Variants in RNF150 observed in about 807,000 individuals in gnomAD.
RNF150 encodes the protein ring finger protein 150.
Under a neutral mutation model 39.3 loss-of-function variants are expected in RNF150, and 24 were observed. That is an observed-to-expected ratio of 0.61 (90% CI 0.44 to 0.86). RNF150 has a LOEUF of 0.86. Among genes scored for constraint, RNF150 ranks in the 40% least tolerant of loss-of-function variants. The pLI, the probability that RNF150 is intolerant of heterozygous loss-of-function variation, is 0.00. For missense variants in RNF150, 502 were observed against 587.8 expected (o/e 0.85, Z 1.51); for synonymous variants, 255 against 227.3 (o/e 1.12, Z -1.10).
At chr4:141,104,294 T>C (rs894464427) in intron 1 of RNF150, among the ~76,000 whole-genome samples, 1 of 152,204 alleles carries the variant, frequency 6.6e-6, no homozygotes, top group African/African-American at 2.4e-5. Context: ...GTGTCAAGCA[T>C]AACCATAAAG....
chr4:140,890,066 C>A (rs1367849698), intron 6 of RNF150, among the ~76,000 whole-genome samples: 2 of 152,178 alleles, frequency 1.3e-5, no homozygotes, highest in Non-Finnish European at 2.9e-5. Flanking sequence ...ATATCCCCAA[C>A]ACAGCAACCA....
chr4:140,966,397 C>A (rs1187828457), intron 2 of RNF150, among the ~76,000 whole-genome samples: 1 of 151,944 alleles, frequency 6.6e-6, no homozygotes, highest in African/African-American at 2.4e-5. Context: ...TTCTGCATGG[C>A]AAGACCATGG....
chr4:140,988,543 G>T (rs1734086640), intron 1 of RNF150, among the ~76,000 whole-genome samples: 2 of 151,978 alleles, frequency 1.3e-5, no homozygotes, highest in Non-Finnish European at 2.9e-5. Flanking sequence ...CAACGTGCAG[G>T]TTTGTTACAT....
chr4:140,880,099 G>A (rs1042210232), intron 6 of RNF150, among the ~76,000 whole-genome samples: 2 of 151,986 alleles, frequency 1.3e-5, no homozygotes, highest in Admixed American at 6.6e-5. Flanking sequence ...AAAGCTTTCA[G>A]TTTTTCACCA....
chr4:141,130,970 A>G (rs562062102), intron 1 of RNF150, among the ~76,000 whole-genome samples: 1 of 152,178 alleles, frequency 6.6e-6, no homozygotes. Context: ...CCTCCTCTTC[A>G]TTAATTAACA....
At chr4:140,951,763 G>T (rs1732549753) in intron 2 of RNF150, among the ~76,000 whole-genome samples, 1 of 152,060 alleles carries the variant, frequency 6.6e-6, no homozygotes, top group African/African-American at 2.4e-5. Flanking sequence ...ACTAGTTATT[G>T]GGAGTAAATG....
At chr4:140,985,772 G>T (rs76270572) in intron 1 of RNF150, among the ~76,000 whole-genome samples, 3,470 of 152,066 alleles carry the variant, frequency 0.023, 113 homozygotes, top group East Asian at 0.12. Context: ...GGATATATGG[G>T]TTATATAAGA....
At chr4:141,201,001 G>A (rs76225482) in intron 1 of RNF150, among the ~76,000 whole-genome samples, 3,151 of 151,838 alleles carry the variant, frequency 0.021, 120 homozygotes, top group African/African-American at 0.071. Flanking sequence ...TTAAACAGTA[G>A]GGTAATTCAC....
intron 1 of RNF150, among the ~76,000 whole-genome samples, chr4:141,092,416 C>A (rs1738620236): frequency 6.6e-6 from 1 of 152,014 alleles, no homozygotes. Flanking sequence ...GAAATACAAG[C>A]AATATCTTAA....
chr4:141,148,040 T>C (rs1328007568), intron 1 of RNF150, among the ~76,000 whole-genome samples: 1 of 152,192 alleles, frequency 6.6e-6, no homozygotes, highest in Admixed American at 6.5e-5. Context: ...AATTTTAGGA[T>C]ATATTATAAT....
intron 1 of RNF150, among the ~76,000 whole-genome samples, chr4:141,171,396 C>T (rs1727718093): frequency 6.6e-6 from 1 of 152,016 alleles, no homozygotes; most frequent in African/African-American, 2.4e-5. Context: ...ATATAAAACA[C>T]ATTTTCTCTG....
chr4:141,130,614 G>A (rs1286648139), intron 1 of RNF150, among the ~76,000 whole-genome samples: 1 of 152,158 alleles, frequency 6.6e-6, no homozygotes, highest in Non-Finnish European at 1.5e-5. Context: ...TATGTTCAAA[G>A]AAGTTGAGTT....
chr4:141,021,446 C>T (rs965309251), intron 1 of RNF150, among the ~76,000 whole-genome samples: 1 of 152,122 alleles, frequency 6.6e-6, no homozygotes, highest in African/African-American at 2.4e-5. Flanking sequence ...GCTATCTGCT[C>T]ACAAACACTT....
chr4:141,176,077 G>A (rs911495289), intron 1 of RNF150, among the ~76,000 whole-genome samples: 1 of 141,324 alleles, frequency 7.1e-6, no homozygotes, highest in Non-Finnish European at 1.5e-5. Flanking sequence ...TGTATTTTTT[G>A]TAGAGACAGA....
intron 1 of RNF150, among the ~76,000 whole-genome samples, chr4:141,155,252 ATTTTTTTTT>A (rs70946798): frequency 7.9e-6 from 1 of 126,416 alleles, no homozygotes; most frequent in African/African-American, 3.0e-5. Context: ...CACCCGGCTG[ATTTTTTTTT>A]TTTTTTTTTG....
chr4:140,876,805 T>C (rs1275754303), intron 6 of RNF150, among the ~76,000 whole-genome samples: 3 of 152,240 alleles, frequency 2.0e-5, no homozygotes, highest in Non-Finnish European at 4.4e-5. Flanking sequence ...CAGACAAGAC[T>C]CAGCCACATT....
intron 4 of RNF150, among the ~76,000 whole-genome samples, chr4:140,929,506 A>G (rs1388652481): frequency 6.6e-6 from 1 of 151,550 alleles, no homozygotes; most frequent in Non-Finnish European, 1.5e-5. Context: ...AGCTGGGACT[A>G]CAGGCACCCA....
chr4:141,113,167 G>T (rs1274819734), intron 1 of RNF150, among the ~76,000 whole-genome samples: 1 of 151,942 alleles, frequency 6.6e-6, no homozygotes, highest in Admixed American at 6.6e-5. Flanking sequence ...CATTGGGTTA[G>T]AACATGTTCC....
At chr4:140,987,511 G>A (rs1029729924) in intron 1 of RNF150, among the ~76,000 whole-genome samples, 5 of 152,088 alleles carry the variant, frequency 3.3e-5, no homozygotes, top group African/African-American at 4.8e-5. Flanking sequence ...AATAAGCAAT[G>A]AGGAAACAAC....
Sources: allele counts gnomAD v4.1 joint callset (sites outside exome capture counted in the v4.1 genomes callset), GRCh38; gene constraint gnomAD v4.1.1; transcripts MANE v1.5; gene names NCBI Gene and HGNC (gene_info 2026-07-23, HGNC 2026-07-21).